RPS6KC1: variants seen among roughly 807,000 people sequenced by gnomAD.
RPS6KC1 encodes inactive ribosomal protein S6 kinase delta-1.
Under a neutral mutation model 103.8 loss-of-function variants are expected in RPS6KC1, and 54 were observed. That is an observed-to-expected ratio of 0.52 (90% CI 0.42 to 0.65). RPS6KC1 has a LOEUF of 0.65. Ranked by LOEUF, RPS6KC1 falls within the 30% of genes least tolerant of loss-of-function variation. The probability of loss-of-function intolerance (pLI) is 0.00; values close to 1 mark genes in which losing one functional copy is unlikely to be tolerated. For synonymous variants in RPS6KC1, 439 were observed against 438.7 expected (o/e 1.00, Z -0.01); for missense variants, 1,151 against 1,253.8 (o/e 0.92, Z 1.24).
chr1:213,683,596 C>T, the RPS6KC1 span, among the ~76,000 whole-genome samples: 1 of 152,134 alleles, frequency 6.6e-6, no homozygotes, highest in Admixed American at 6.5e-5. Context: ...TTGGAAGGGC[C>T]CAACAAACTG....
the RPS6KC1 span, among the ~76,000 whole-genome samples, chr1:213,524,208 G>A: frequency 1.4e-4 from 21 of 152,140 alleles, no homozygotes; most frequent in African/African-American, 2.2e-4. Context: ...CAAGGCACTT[G>A]AGTGCCAGCA....
the RPS6KC1 span, among the ~76,000 whole-genome samples, chr1:213,368,295 T>C: frequency 4.6e-5 from 7 of 152,274 alleles, no homozygotes; most frequent in South Asian, 1.2e-3. Flanking sequence ...TTTTATGCTG[T>C]AGGGGTTTCC....
At chr1:213,489,110 A>AG in the RPS6KC1 span, among the ~76,000 whole-genome samples, 1 of 152,196 alleles carries the variant, frequency 6.6e-6, no homozygotes, top group Admixed American at 6.5e-5. Context: ...CATACATGCA[A>AG]GAAAAAAAAT....
the RPS6KC1 span, among the ~76,000 whole-genome samples, chr1:213,585,765 A>G: frequency 9.2e-4 from 140 of 152,252 alleles, 1 homozygote; most frequent in African/African-American, 3.3e-3. Flanking sequence ...AGATGGCAGC[A>G]CAATCTCCTG....
the RPS6KC1 span, among the ~76,000 whole-genome samples, chr1:213,623,385 G>A: frequency 1.3e-5 from 2 of 152,080 alleles, no homozygotes; most frequent in Non-Finnish European, 1.5e-5. Flanking sequence ...TTAGTGAATT[G>A]AGTCAATCAG....
At chr1:213,227,721 C>T (rs1573448492) in intron 8 of RPS6KC1, among the ~76,000 whole-genome samples, 1 of 152,218 alleles carries the variant, frequency 6.6e-6, no homozygotes, top group Non-Finnish European at 1.5e-5. Context: ...CTCTCCAGTT[C>T]TTGCATGTGG....
the RPS6KC1 span, among the ~76,000 whole-genome samples, chr1:213,574,270 T>G: frequency 6.6e-6 from 1 of 152,306 alleles, no homozygotes. Context: ...TATTTCTCCT[T>G]CTTTCTCTCC....
chr1:213,458,524 G>A, the RPS6KC1 span, among the ~76,000 whole-genome samples: 1 of 152,234 alleles, frequency 6.6e-6, no homozygotes, highest in East Asian at 1.9e-4. Flanking sequence ...CCCAGTAATG[G>A]TATTGCTGGG....
intron 14 of RPS6KC1, among the ~76,000 whole-genome samples, chr1:213,264,640 C>T (rs1378110338): frequency 1.3e-5 from 2 of 152,044 alleles, no homozygotes; most frequent in Non-Finnish European, 2.9e-5. Context: ...GTGTCATTGG[C>T]CTGCCTAAGG....
At chr1:213,052,607 C>T (rs1181555758) in intron 1 of RPS6KC1, among the ~76,000 whole-genome samples, 1 of 151,696 alleles carries the variant, frequency 6.6e-6, no homozygotes, top group Non-Finnish European at 1.5e-5. Context: ...ATGGCATGAT[C>T]TCTGCTCACC....
the RPS6KC1 span, among the ~76,000 whole-genome samples, chr1:213,406,403 G>A: frequency 6.6e-6 from 1 of 151,846 alleles, no homozygotes; most frequent in African/African-American, 2.4e-5. Context: ...TTCAGATTGT[G>A]GTCAGATACT....
chr1:213,460,594 G>A, the RPS6KC1 span, among the ~76,000 whole-genome samples: 1 of 152,048 alleles, frequency 6.6e-6, no homozygotes, highest in African/African-American at 2.4e-5. Flanking sequence ...TACATTTAAG[G>A]TTAATATTGT....
At chr1:213,643,062 A>G in the RPS6KC1 span, among the ~76,000 whole-genome samples, 7 of 151,870 alleles carry the variant, frequency 4.6e-5, no homozygotes, top group African/African-American at 9.7e-5. Context: ...TATTATTTTA[A>G]TAAATACGGT....
intron 12 of RPS6KC1, among the ~76,000 whole-genome samples, chr1:213,256,145 C>T (rs753019577): frequency 6.6e-6 from 1 of 152,164 alleles, no homozygotes; most frequent in Non-Finnish European, 1.5e-5. Context: ...GTTTCAAAAG[C>T]AGTTTTCCTT....
chr1:213,392,058 T>C, the RPS6KC1 span, among the ~76,000 whole-genome samples: 3 of 152,170 alleles, frequency 2.0e-5, no homozygotes, highest in Non-Finnish European at 2.9e-5. Context: ...GGCTTGGCCA[T>C]AGGGGAGTTG....
At chr1:213,083,580 C>G (rs959443289) in intron 3 of RPS6KC1, among the ~76,000 whole-genome samples, 1 of 152,114 alleles carries the variant, frequency 6.6e-6, no homozygotes, top group Non-Finnish European at 1.5e-5. Context: ...CTCAGTCACA[C>G]GTGGATGTGA....
chr1:213,804,173 T>TAAAAAAAAAA, the RPS6KC1 span, among the ~76,000 whole-genome samples: 3 of 57,844 alleles, frequency 5.2e-5, no homozygotes, highest in African/African-American at 7.0e-5. Context: ...TGGCTAATCT[T>TAAAAAAAAAA]AAAAAAAAAA....
At chr1:213,803,879 A>G in the RPS6KC1 span, among the ~76,000 whole-genome samples, 1 of 148,322 alleles carries the variant, frequency 6.7e-6, no homozygotes, top group African/African-American at 2.5e-5. Context: ...TTGTGAATCT[A>G]TATCATGGGG....
the RPS6KC1 span, among the ~76,000 whole-genome samples, chr1:213,834,803 T>G: frequency 6.6e-6 from 1 of 152,074 alleles, no homozygotes; most frequent in Non-Finnish European, 1.5e-5. Flanking sequence ...ATAAGGACTG[T>G]TTTCCGCATT....
Sources: allele counts gnomAD v4.1 joint callset (sites outside exome capture counted in the v4.1 genomes callset), GRCh38; gene constraint gnomAD v4.1.1; transcripts MANE v1.5; gene names NCBI Gene and HGNC (gene_info 2026-07-23, HGNC 2026-07-21).